The following RIMS2 variants were observed in gnomAD, a reference collection of about 807,000 sequenced individuals.
RIMS2 encodes regulating synaptic membrane exocytosis 2, also known as regulating synaptic membrane exocytosis protein 2.
RIMS2 carries 59 observed loss-of-function variants against 174.4 expected under a neutral mutation model. The observed-to-expected ratio is 0.34, with a 90% CI of 0.27 to 0.42. RIMS2 has a LOEUF of 0.42. RIMS2 is among the 10% of genes least tolerant of loss of function. The pLI is 1.00. For synonymous variants in RIMS2, 606 were observed against 572.5 expected (o/e 1.06, Z -0.84); for missense variants, 1,620 against 1,666.3 (o/e 0.97, Z 0.48).
At chr8:103,597,773 A>G (rs1424092500) in intron 1 of RIMS2, among the ~76,000 whole-genome samples, 1 of 151,988 alleles carries the variant, frequency 6.6e-6, no homozygotes, top group African/African-American at 2.4e-5. Flanking sequence ...GAATATTCTG[A>G]AAGTTGTCCA....
intron 19 of RIMS2, among the ~76,000 whole-genome samples, chr8:104,197,921 A>G (rs1042023564): frequency 6.6e-6 from 1 of 151,972 alleles, no homozygotes; most frequent in African/African-American, 2.4e-5. Flanking sequence ...ATAGGTACCA[A>G]TGAGGCAATT....
At chr8:104,079,412 C>G (rs1249036048) in intron 19 of RIMS2, among the ~76,000 whole-genome samples, 2 of 151,228 alleles carry the variant, frequency 1.3e-5, no homozygotes, top group African/African-American at 2.4e-5. Flanking sequence ...CATCAAGGCT[C>G]CAGAGTTGCT....
chr8:103,723,376 A>T (rs1213206980), intron 2 of RIMS2, among the ~76,000 whole-genome samples: 1 of 152,236 alleles, frequency 6.6e-6, no homozygotes, highest in East Asian at 1.9e-4. Flanking sequence ...GCCCTTTACC[A>T]GTTAGCCTGT....
At chr8:103,616,622 C>T (rs1408669741) in intron 1 of RIMS2, among the ~76,000 whole-genome samples, 1 of 152,122 alleles carries the variant, frequency 6.6e-6, no homozygotes, top group Non-Finnish European at 1.5e-5. Context: ...TAGAAAACCC[C>T]ATAGTCTAGG....
rs751676338 is a variant in RIMS2, at chr8:103,766,492, G to T, written c.653G>T (p.Gly218Val). Reference sequence around the variant, plus strand: ...ACAAGACAGCATTCTATTAAAAATGGGTCAGGCGTGAAGCATCACATTGCC... The same window carrying T: ...ACAAGACAGCATTCTATTAAAAATGTGTCAGGCGTGAAGCATCACATTGCC... Residue 218 changes from glycine to valine, a missense_variant, in exon 3 of 24, where the codon GGG becomes GTG. Coordinates refer to ENST00000504942, the Ensembl canonical transcript of RIMS2. 466 of 1,613,682 alleles carry T rather than the reference G, an allele frequency of 2.9e-4. No individual in the cohort carries two copies. Among genetic ancestry groups the T allele is most frequent in the Non-Finnish European group, 3.9e-4 (455 of 1,179,796 alleles).
chr8:103,776,457 C>T (rs904747165), intron 3 of RIMS2, among the ~76,000 whole-genome samples: 2 of 152,048 alleles, frequency 1.3e-5, no homozygotes, highest in African/African-American at 4.8e-5. Context: ...AGAGGTTGAA[C>T]AGTCCTGTCA....
At chr8:103,854,473 A>G (rs1308439843) in intron 3 of RIMS2, among the ~76,000 whole-genome samples, 3 of 151,876 alleles carry the variant, frequency 2.0e-5, no homozygotes, top group Non-Finnish European at 4.4e-5. Flanking sequence ...TTGCCTAATC[A>G]GTATGATGCT....
intron 19 of RIMS2, among the ~76,000 whole-genome samples, chr8:104,133,461 T>C (rs994311021): frequency 5.9e-5 from 9 of 152,158 alleles, no homozygotes; most frequent in Admixed American, 5.9e-4. Context: ...ATTAGGTTTA[T>C]AGACTGGTAT....
At chr8:103,654,361 A>G (rs920028305) in intron 1 of RIMS2, among the ~76,000 whole-genome samples, 1 of 151,994 alleles carries the variant, frequency 6.6e-6, no homozygotes, top group African/African-American at 2.4e-5. Flanking sequence ...ATATAATCCA[A>G]TCTGCTTTGA....
chr8:104,248,940 T>TA (rs1372907154), intron 21 of RIMS2, 127 bp downstream of exon 27: 2 of 585,570 alleles, frequency 3.4e-6, no homozygotes, highest in African/African-American at 3.9e-5. Flanking sequence ...TCTATTTTTT[T>TA]TTTTTTAAGA....
Position 104,018,618 on chromosome 8 carries a change from T to A in RIMS2, c.3334+4003T>A, listed in dbSNP as rs1422494259. On this transcript the variant is annotated intron_variant, in intron 19 of 23. Coordinates refer to ENST00000504942, the Ensembl canonical transcript of RIMS2. ...CATTTGTTTATTCAAAAATATTTAA[T>A]GAGTACCTACTAGAAAACTATATTT... is the stretch of plus-strand genomic sequence containing the variant. Among the ~76,000 whole-genome samples the A allele has an allele frequency of 2.0e-5, 3 of 152,328 alleles. No homozygotes were observed. The South Asian group carries it at 6.2e-4, about 32-fold the overall frequency.
At chr8:104,091,002 G>T (rs1159522953) in intron 19 of RIMS2, among the ~76,000 whole-genome samples, 5 of 151,556 alleles carry the variant, frequency 3.3e-5, no homozygotes, top group Non-Finnish European at 7.4e-5. Flanking sequence ...GTTATCACTT[G>T]TTATGTGTCA....
At chr8:104,001,310 A>G (rs974687441) in intron 17 of RIMS2, among the ~76,000 whole-genome samples, 12 of 152,036 alleles carry the variant, frequency 7.9e-5, no homozygotes, top group Non-Finnish European at 1.3e-4. Context: ...TTTGATCATT[A>G]CATATTATAT....
In RIMS2 at chr8:104,009,232, C is replaced by T. The variant is rs141140856; in HGVS notation, c.3045-4210C>T. ...ATTTATACTTCAGTTATGCAGTTAA[C>T]GCCCAGAAAATCTGTAGACATTCAA... is the stretch of plus-strand genomic sequence containing the variant. On this transcript the variant is annotated intron_variant, in intron 17 of 23. Coordinates refer to ENST00000504942, the Ensembl canonical transcript of RIMS2. 4.4e-4 allele frequency among the ~76,000 whole-genome samples: 67 copies of T among 151,172 alleles called. 1 individual carries two copies. Among genetic ancestry groups the T allele is most frequent in the Admixed American group, 1.8e-3 (27 of 15,172 alleles).
At chr8:104,113,466 T>C (rs1025621465) in intron 19 of RIMS2, among the ~76,000 whole-genome samples, 1 of 152,104 alleles carries the variant, frequency 6.6e-6, no homozygotes, top group Non-Finnish European at 1.5e-5. Flanking sequence ...GCTCTTTACT[T>C]GGGAGATGAT....
intron 13 of RIMS2, among the ~76,000 whole-genome samples, chr8:103,939,575 T>C (rs1192832318): frequency 6.6e-6 from 1 of 152,232 alleles, no homozygotes; most frequent in Non-Finnish European, 1.5e-5. Context: ...GGATAGGCGA[T>C]TAACATTTGG....
intron 19 of RIMS2, among the ~76,000 whole-genome samples, chr8:104,217,415 C>T (rs897318692): frequency 1.3e-5 from 2 of 151,864 alleles, no homozygotes; most frequent in Admixed American, 6.6e-5. Context: ...ACTACAGGCA[C>T]GCACCACCAC....
At chr8:103,615,128 A>T (rs560781658) in intron 1 of RIMS2, among the ~76,000 whole-genome samples, 2 of 152,300 alleles carry the variant, frequency 1.3e-5, no homozygotes, top group South Asian at 2.1e-4. Flanking sequence ...TGACCACATA[A>T]TTGGACATAA....
At chr8:104,242,541 A>G (rs539092014) in intron 19 of RIMS2, among the ~76,000 whole-genome samples, 52 of 152,330 alleles carry the variant, frequency 3.4e-4, no homozygotes, top group Admixed American at 7.2e-4. Flanking sequence ...TTTAATCCAG[A>G]ATAATTCCCT....
Sources: allele counts gnomAD v4.1 joint callset (sites outside exome capture counted in the v4.1 genomes callset), GRCh38; gene constraint gnomAD v4.1.1; transcripts MANE v1.5; gene names NCBI Gene and HGNC (gene_info 2026-07-23, HGNC 2026-07-21).